Variants in ARHGAP10 observed in about 807,000 individuals in gnomAD.
The protein encoded by ARHGAP10 is Rho GTPase activating protein 10, also known as rho GTPase-activating protein 10.
ARHGAP10 carries 87 observed loss-of-function variants against 108.6 expected under a neutral mutation model. The ratio of observed to expected loss-of-function variants is 0.80; its 90% CI spans 0.67 to 0.96. The LOEUF is 0.96. Among genes scored for constraint, ARHGAP10 ranks in the 40% least tolerant of loss-of-function variants. The pLI is 0.00. For synonymous variants in ARHGAP10, 347 were observed against 341.1 expected, an observed-to-expected ratio of 1.02 and a Z score of -0.19; for missense variants, 939 against 954.5, an observed-to-expected ratio of 0.98 and a Z score of 0.21.
At chr4:147,816,469 G>A (rs895841342) in intron 1 of ARHGAP10, among the ~76,000 whole-genome samples, 3 of 152,112 alleles carry the variant, frequency 2.0e-5, no homozygotes, top group Non-Finnish European at 4.4e-5. Context: ...GACTTCAGAT[G>A]TGTATTCTGT....
At chr4:147,883,848 C>T (rs1240176477) in intron 10 of ARHGAP10, among the ~76,000 whole-genome samples, 5 of 152,062 alleles carry the variant, frequency 3.3e-5, no homozygotes, top group Non-Finnish European at 5.9e-5. Context: ...GGGCACACTA[C>T]CAGACCCGGC....
chr4:147,839,937 A>G (rs1167319855), intron 3 of ARHGAP10, among the ~76,000 whole-genome samples: 2 of 152,196 alleles, frequency 1.3e-5, no homozygotes, highest in Admixed American at 6.5e-5. Flanking sequence ...TTTACTTTGA[A>G]TTGTGAAGTT....
In ARHGAP10 at chr4:147,860,217, T is replaced by G. The variant is rs79440497; in HGVS notation, c.486+2563T>G. On this transcript the variant is annotated intron_variant, in intron 5 of 22. Coordinates refer to ENST00000336498, the MANE Select transcript of ARHGAP10 (RefSeq NM_024605.4). Reference sequence around the variant, plus strand: ...CAGCACTGTGGGAGGCCGAGGCGGGTGGATCACGAGATCAGGAGATCCAGA... The same window carrying G: ...CAGCACTGTGGGAGGCCGAGGCGGGGGGATCACGAGATCAGGAGATCCAGA... Among the ~76,000 whole-genome samples, 175 of 152,150 alleles carry G rather than the reference T, an allele frequency of 1.2e-3. 2 individuals carry two copies. In the East Asian group the frequency reaches 0.021, roughly 18 times the overall value.
At chr4:147,972,598 A>G (rs1739452385) in intron 18 of ARHGAP10, among the ~76,000 whole-genome samples, 1 of 152,166 alleles carries the variant, frequency 6.6e-6, no homozygotes, top group Non-Finnish European at 1.5e-5. Context: ...GAGGAGCCAG[A>G]AGAAACCCAG....
intron 10 of ARHGAP10, among the ~76,000 whole-genome samples, chr4:147,900,043 T>C (rs1736173086): frequency 6.6e-6 from 1 of 152,228 alleles, no homozygotes; most frequent in African/African-American, 2.4e-5. Context: ...TCTGCTTTTT[T>C]CGTTGTGTAT....
intron 18 of ARHGAP10, among the ~76,000 whole-genome samples, chr4:147,977,667 T>G (rs1231374340): frequency 6.6e-6 from 1 of 152,100 alleles, no homozygotes; most frequent in Non-Finnish European, 1.5e-5. Context: ...TTTTTTCCAT[T>G]TTATTTTAGA....
chr4:147,940,494 A>T (rs1385577610), intron 14 of ARHGAP10, among the ~76,000 whole-genome samples: 1 of 152,128 alleles, frequency 6.6e-6, no homozygotes, highest in Non-Finnish European at 1.5e-5. Flanking sequence ...GCGCTTTTAC[A>T]TTACACACTG....
intron 18 of ARHGAP10, among the ~76,000 whole-genome samples, chr4:148,003,322 G>A (rs1180874682): frequency 6.6e-6 from 1 of 152,166 alleles, no homozygotes; most frequent in East Asian, 1.9e-4. Flanking sequence ...GGTGAGGAGT[G>A]CTTTACTTCC....
intron 18 of ARHGAP10, among the ~76,000 whole-genome samples, chr4:147,988,405 C>T (rs1740122013): frequency 6.6e-6 from 1 of 152,196 alleles, no homozygotes; most frequent in Non-Finnish European, 1.5e-5. Flanking sequence ...CATTCTTCCA[C>T]ATCTCCTGGC....
At chr4:147,800,676 T>C (rs1432415809) in intron 1 of ARHGAP10, among the ~76,000 whole-genome samples, 3 of 152,134 alleles carry the variant, frequency 2.0e-5, no homozygotes, top group Non-Finnish European at 4.4e-5. Flanking sequence ...ACAAACTGGT[T>C]TGTTTTCTTC....
At chr4:147,875,608 A>G (rs1735026384) in intron 8 of ARHGAP10, among the ~76,000 whole-genome samples, 2 of 152,150 alleles carry the variant, frequency 1.3e-5, no homozygotes, top group Non-Finnish European at 2.9e-5. Flanking sequence ...TGTCATCTTA[A>G]GGTCAAGAGG....
intron 7 of ARHGAP10, among the ~76,000 whole-genome samples, chr4:147,870,150 A>G (rs1168670353): frequency 6.6e-6 from 1 of 151,892 alleles, no homozygotes; most frequent in Non-Finnish European, 1.5e-5. Context: ...TCCCGGGTTC[A>G]TGCCATCCTC....
At chr4:147,938,867 AT>A (rs1395207203) in intron 13 of ARHGAP10, among the ~76,000 whole-genome samples, 2 of 152,186 alleles carry the variant, frequency 1.3e-5, no homozygotes, top group African/African-American at 4.8e-5. Flanking sequence ...TATAAGTCAC[AT>A]TTTTTGGAAG....
At chr4:147,874,252 A>T (rs1034409547) in intron 7 of ARHGAP10, among the ~76,000 whole-genome samples, 2 of 152,170 alleles carry the variant, frequency 1.3e-5, no homozygotes, top group African/African-American at 4.8e-5. Context: ...GTATTAATAC[A>T]ATTATTTTTG....
Position 148,064,476 on chromosome 4 carries a change from A to C in ARHGAP10, c.2241A>C (p.Leu747Phe). 1.2e-6 allele frequency: 2 copies of C among 1,614,192 alleles called. No homozygotes were observed. The highest frequency in any genetic ancestry group is 1.7e-6 in the Non-Finnish European group (2 of 1,180,036). The change falls in exon 22 of 23, where the codon TTA (leucine) becomes TTC (phenylalanine). Residue 747 changes from leucine (L) to phenylalanine (F), a missense_variant. Transcript: ENST00000336498. ...YPCEAEHSSELSFEIGAIFED... is the reference protein window; with the variant it reads ...YPCEAEHSSEFSFEIGAIFED... ...GTGAAGCAGAACACAGCTCGGAATT[A>C]TCTTTTGAAATAGGAGCAATTTTTG...
chr4:147,857,844 G>A (rs1023764159), intron 5 of ARHGAP10, 190 bp downstream of exon 5: 3 of 363,144 alleles, frequency 8.3e-6, no homozygotes, highest in Non-Finnish European at 1.3e-5. Flanking sequence ...ACATCTTATA[G>A]TGATTAATGA....
Position 147,929,415 on chromosome 4 carries a change from A to T in ARHGAP10, c.1229-10410A>T, listed in dbSNP as rs74341385. On this transcript the variant is annotated intron_variant, in intron 13 of 22. Coordinates refer to ENST00000336498, the MANE Select transcript of ARHGAP10 (RefSeq NM_024605.4). ...AATATAAATACACATTTTTGACAGA[A>T]TGTTATAATGTTATGAATTGCTGAG... 8.0e-3 allele frequency among the ~76,000 whole-genome samples: 1,219 copies of T among 152,334 alleles called. 15 individuals carry two copies. The highest frequency in any genetic ancestry group is 0.027 in the African/African-American group (1,143 of 41,570).
chr4:147,817,148 C>T (rs144380491), intron 1 of ARHGAP10, among the ~76,000 whole-genome samples: 6 of 152,128 alleles, frequency 3.9e-5, no homozygotes, highest in Admixed American at 3.9e-4. Flanking sequence ...TTAACCATAC[C>T]CTTTTTCTTT....
chr4:147,779,025 G>A (rs748604858), intron 1 of ARHGAP10, among the ~76,000 whole-genome samples: 1 of 152,188 alleles, frequency 6.6e-6, no homozygotes, highest in Admixed American at 6.5e-5. Flanking sequence ...TAGATGTGGA[G>A]GGTTTCTTCC....
Sources: allele counts gnomAD v4.1 joint callset (sites outside exome capture counted in the v4.1 genomes callset), GRCh38; gene constraint gnomAD v4.1.1; transcripts MANE v1.5; gene names NCBI Gene and HGNC (gene_info 2026-07-23, HGNC 2026-07-21).